The following RBFOX1 variants were observed in gnomAD, a reference collection of about 807,000 sequenced individuals.
RBFOX1 encodes RNA binding fox-1 homolog 1.
A neutral mutation model predicts 57.7 loss-of-function variants in RBFOX1; 8 were observed. The ratio of observed to expected loss-of-function variants is 0.14; its 90% CI spans 0.08 to 0.25. The LOEUF (loss-of-function observed/expected upper bound fraction) is 0.25. Ranked by LOEUF, RBFOX1 falls within the 10% of genes least tolerant of loss-of-function variation. The pLI is 1.00. For synonymous variants in RBFOX1, 326 were observed against 222.4 expected (o/e 1.47, Z -4.15); for missense variants, 611 against 548.5 (o/e 1.11, Z -1.14).
In RBFOX1 at chr16:6,057,089, T is replaced by A. The variant is rs532679059; in HGVS notation, c.-127+37097T>A. 2.0e-5 allele frequency: 3 copies of A among 148,696 alleles called. No individual in the cohort carries two copies. The South Asian group carries it at 6.4e-4, about 32-fold the overall frequency. The allele number at this position is 148,696 out of a possible 1,614,324, so 9.2% of individuals were successfully genotyped here. On this transcript the variant is annotated intron_variant, in intron 1 of 15. Coordinates refer to ENST00000550418, the MANE Select transcript of RBFOX1 (RefSeq NM_018723.4). Reference sequence around the variant, plus strand: ...CCGGAGAACACAGGAGGGGGGGGAATATTGCAATAAATCAAGTGAGTTTTT... The same window carrying A: ...CCGGAGAACACAGGAGGGGGGGGAAAATTGCAATAAATCAAGTGAGTTTTT...
intron 2 of RBFOX1, among the ~76,000 whole-genome samples, chr16:6,432,958 A>G (rs767762164): frequency 1.3e-5 from 2 of 152,242 alleles, no homozygotes; most frequent in Non-Finnish European, 2.9e-5. Context: ...AGCCTGGGCT[A>G]CAGAGTGAGA....
At chr16:7,504,741 A>ATATATATATATATATATATTTT (rs2072391404) in intron 4 of RBFOX1, among the ~76,000 whole-genome samples, 1 of 10,274 alleles carries the variant, frequency 9.7e-5, no homozygotes, top group Non-Finnish European at 2.2e-4. Context: ...ATATATATAT[A>ATATATATATATATATATATTTT]TATATATATA....
intron 1 of RBFOX1, among the ~76,000 whole-genome samples, chr16:5,282,939 A>G (rs1055234941): frequency 2.0e-5 from 3 of 152,212 alleles, no homozygotes; most frequent in Non-Finnish European, 2.9e-5. Flanking sequence ...TCTTCATGGC[A>G]GCCCCACCCA....
intron 4 of RBFOX1, among the ~76,000 whole-genome samples, chr16:7,318,369 G>C (rs1360689795): frequency 1.3e-5 from 2 of 152,096 alleles, no homozygotes; most frequent in Non-Finnish European, 2.9e-5. Flanking sequence ...GGTGGTGGTG[G>C]TGGTGATGAT....
intron 3 of RBFOX1, among the ~76,000 whole-genome samples, chr16:6,970,062 C>T (rs138129880): frequency 6.6e-6 from 1 of 152,012 alleles, no homozygotes; most frequent in South Asian, 2.1e-4. Context: ...CCTGTAGTTC[C>T]AGCTACTTGG....
At chr16:5,637,753 A>G (rs2048730644) in intron 3 of RBFOX1, among the ~76,000 whole-genome samples, 1 of 152,148 alleles carries the variant, frequency 6.6e-6, no homozygotes, top group African/African-American at 2.4e-5. Flanking sequence ...GGCAACAGGA[A>G]GAGAGAGCTC....
chr16:5,348,753 G>A (rs1045703390), intron 1 of RBFOX1, among the ~76,000 whole-genome samples: 1 of 152,212 alleles, frequency 6.6e-6, no homozygotes, highest in Admixed American at 6.5e-5. Context: ...GTTTCAGTTT[G>A]TGAAAATTCC....
chr16:5,999,909 AGTGAAG>A (rs2060565584), intron 4 of RBFOX1, among the ~76,000 whole-genome samples: 2 of 22,670 alleles, frequency 8.8e-5, no homozygotes, highest in Admixed American at 4.7e-4. Flanking sequence ...AAAAAAAAAG[AGTGAAG>A]AAGGGAAATC....
chr16:5,953,692 T>G (rs1013702442), intron 4 of RBFOX1, among the ~76,000 whole-genome samples: 10 of 141,284 alleles, frequency 7.1e-5, no homozygotes, highest in South Asian at 4.4e-4. Context: ...TAGGGCTAAG[T>G]AGTCTTCTGT....
intron 2 of RBFOX1, among the ~76,000 whole-genome samples, chr16:5,575,931 G>C (rs1313375536): frequency 1.3e-5 from 2 of 151,652 alleles, no homozygotes; most frequent in African/African-American, 4.8e-5. Context: ...TAGAAGTGAA[G>C]ACATCTGCTT....
chr16:5,412,628 A>G (rs1205546334), intron 1 of RBFOX1, among the ~76,000 whole-genome samples: 6 of 152,200 alleles, frequency 3.9e-5, no homozygotes, highest in Non-Finnish European at 8.8e-5. Context: ...GCGAGAACTC[A>G]CATCGAGTCC....
intron 2 of RBFOX1, among the ~76,000 whole-genome samples, chr16:5,542,058 G>A (rs1035452151): frequency 3.3e-5 from 5 of 152,004 alleles, no homozygotes; most frequent in Non-Finnish European, 7.4e-5. Flanking sequence ...CTTTAAACTG[G>A]CCAAAGAAAA....
intron 1 of RBFOX1, among the ~76,000 whole-genome samples, chr16:6,140,628 C>A (rs1028391223): frequency 6.6e-6 from 1 of 152,150 alleles, no homozygotes; most frequent in Admixed American, 6.5e-5. Context: ...TGCTGCCTCC[C>A]TGTCTTGATC....
At chr16:5,875,371 G>C (rs2057578417) in intron 4 of RBFOX1, among the ~76,000 whole-genome samples, 1 of 152,166 alleles carries the variant, frequency 6.6e-6, no homozygotes, top group Non-Finnish European at 1.5e-5. Flanking sequence ...CAGCATGACT[G>C]CCATTGTTTA....
At chr16:5,734,627 T>A (rs982168350) in intron 3 of RBFOX1, among the ~76,000 whole-genome samples, 12 of 152,080 alleles carry the variant, frequency 7.9e-5, no homozygotes, top group African/African-American at 2.9e-4. Flanking sequence ...AAAGCTAGGT[T>A]CACGAGACTG....
At chr16:6,981,522 G>C (rs1012990933) in intron 3 of RBFOX1, among the ~76,000 whole-genome samples, 1 of 152,084 alleles carries the variant, frequency 6.6e-6, no homozygotes, top group Non-Finnish European at 1.5e-5. Flanking sequence ...TAATAAAGAC[G>C]TACCTGAGAC....
intron 3 of RBFOX1, among the ~76,000 whole-genome samples, chr16:6,921,564 A>G (rs2074442710): frequency 6.6e-6 from 1 of 151,904 alleles, no homozygotes; most frequent in Admixed American, 6.6e-5. Context: ...CTCTCATAAC[A>G]TGGCAGCTTG....
At chr16:7,553,589 T>A (rs916662468) in intron 5 of RBFOX1, among the ~76,000 whole-genome samples, 3 of 152,160 alleles carry the variant, frequency 2.0e-5, no homozygotes, top group Non-Finnish European at 2.9e-5. Context: ...TGGCAAAATT[T>A]CAAACTCAAA....
intron 3 of RBFOX1, among the ~76,000 whole-genome samples, chr16:5,714,416 A>G (rs917488683): frequency 6.6e-6 from 1 of 152,194 alleles, no homozygotes; most frequent in Non-Finnish European, 1.5e-5. Context: ...TACAGAGAAC[A>G]TGGAATAGAG....
Sources: gnomAD v4.1 joint callset for allele counts (sites outside exome capture counted in the v4.1 genomes callset) on GRCh38, gnomAD v4.1.1 for gene constraint, MANE v1.5 for transcripts, NCBI Gene and HGNC (gene_info 2026-07-23, HGNC 2026-07-21) for gene names.